Variants in ITGA6 observed in about 807,000 individuals in gnomAD.
The protein encoded by ITGA6 is integrin subunit alpha 6.
ITGA6 carries 63 observed loss-of-function variants against 133.6 expected under a neutral mutation model. The ratio of observed to expected loss-of-function variants is 0.47; its 90% CI spans 0.38 to 0.58. The LOEUF (loss-of-function observed/expected upper bound fraction) is 0.58, where lower values mean the gene tolerates loss of function less well. Ranked by LOEUF, ITGA6 falls within the 20% of genes least tolerant of loss-of-function variation. ITGA6 has a pLI of 0.00. For synonymous variants in ITGA6, 434 were observed against 482.0 expected, an observed-to-expected ratio of 0.90 and a Z score of 1.30; for missense variants, 1,068 against 1,309.4, an observed-to-expected ratio of 0.82 and a Z score of 2.85.
chr2:172,504,261 T>TAAA lies in ITGA6; in HGVS notation c.*202_*204dup. On this transcript the variant is annotated 3_prime_UTR_variant, in exon 26 of 26. Transcript: ENST00000684293. ...ATGAAAGCTACTCATAGCGGGGGCC[T>TAAA]AAAAAAAAAAAGCTTCACAGTACCC... The TAAA allele has an allele frequency of 2.5e-6, 3 of 1,214,272 alleles. No homozygotes were observed. The highest frequency in any genetic ancestry group is 3.3e-6 in the Non-Finnish European group (3 of 900,136). The allele number at this position is 1,214,272 out of a possible 1,614,324, so 75.2% of individuals were successfully genotyped here.
chr2:172,485,582 T>C (rs1686632572), intron 13 of ITGA6, among the ~76,000 whole-genome samples: 1 of 152,224 alleles, frequency 6.6e-6, no homozygotes, highest in South Asian at 2.1e-4. Flanking sequence ...GAAAAATACA[T>C]TGTGTTTTAC....
chr2:172,498,536 T>G (rs1687223242), intron 24 of ITGA6, among the ~76,000 whole-genome samples: 1 of 152,210 alleles, frequency 6.6e-6, no homozygotes, highest in African/African-American at 2.4e-5. Flanking sequence ...CAGCTAGATT[T>G]GGAATAGAAG....
chr2:172,458,603 C>T (rs2149027778), intron 1 of ITGA6, among the ~76,000 whole-genome samples: 1 of 152,326 alleles, frequency 6.6e-6, no homozygotes, highest in Non-Finnish European at 1.5e-5. Flanking sequence ...CTGGAGTCAG[C>T]AGCCCCACCC....
chr2:172,443,562 G>C (rs1684628965), intron 1 of ITGA6, among the ~76,000 whole-genome samples: 3 of 152,194 alleles, frequency 2.0e-5, no homozygotes, highest in African/African-American at 7.2e-5. Context: ...TACGCTATCA[G>C]TGGGTTTAGT....
At chr2:172,438,419 A>G (rs1284320613) in intron 1 of ITGA6, among the ~76,000 whole-genome samples, 1 of 151,758 alleles carries the variant, frequency 6.6e-6, no homozygotes, top group Non-Finnish European at 1.5e-5. Flanking sequence ...CTAATTTCTC[A>G]GTGAATAATA....
rs1259723839 is a variant in ITGA6, at chr2:172,504,182, A to C, written c.*114A>C. On this transcript the variant is annotated 3_prime_UTR_variant, in exon 26 of 26. Coordinates refer to ENST00000684293, the MANE Select transcript of ITGA6 (RefSeq NM_000210.4). ...AAAGAAGAGCGAGAGATCAAAGATG[A>C]AAAGTATATTGATAACCTTGAAAAA... 6.3e-7 allele frequency: 1 copy of C among 1,591,730 alleles called. No homozygotes were observed. The highest frequency in any genetic ancestry group is 1.1e-5 in the South Asian group (1 of 87,458).
intron 6 of ITGA6, among the ~76,000 whole-genome samples, chr2:172,474,634 A>C (rs1343129569): frequency 6.6e-6 from 1 of 152,198 alleles, no homozygotes; most frequent in African/African-American, 2.4e-5. Context: ...AAAGTAAAAA[A>C]CAGATATGTG....
chr2:172,427,499 G>A, upstream of ITGA6: 1 of 1,101,354 alleles, frequency 9.1e-7, no homozygotes, highest in Non-Finnish European at 1.1e-6. Context: ...GCCGGGCCGC[G>A]GGCGCGCAAG....
chr2:172,477,391 AT>A (rs35715378), intron 9 of ITGA6, among the ~76,000 whole-genome samples: 1 of 151,940 alleles, frequency 6.6e-6, no homozygotes, highest in African/African-American at 2.4e-5. Flanking sequence ...TAGCAGATTT[AT>A]TTTTTTTAAA....
At chr2:172,458,088 A>G (rs758582118) in intron 1 of ITGA6, among the ~76,000 whole-genome samples, 26 of 152,000 alleles carry the variant, frequency 1.7e-4, no homozygotes, top group Non-Finnish European at 2.9e-4. Context: ...ATCGTTCCCT[A>G]CCTCTGTCTG....
Position 172,491,936 on chromosome 2 carries a change from G to A in ITGA6, c.2988+413G>A, listed in dbSNP as rs999566964. Among the ~76,000 whole-genome samples the A allele has an allele frequency of 1.3e-5, 2 of 152,162 alleles. No homozygotes were observed. The highest frequency in any genetic ancestry group is 2.9e-5 in the Non-Finnish European group (2 of 68,016). The stretch of plus-strand genomic sequence containing the variant: ...CTGAACTGAACCTTGTAAGTCCCTG[G>A]TTATGCCCCTCAAACAAGTCTAAAA... On this transcript the variant is annotated intron_variant, in intron 23 of 25. Transcript: ENST00000684293. The surrounding 1 kb of genome is among the most constrained non-coding windows in gnomAD (Gnocchi z 4.4).
chr2:172,444,081 T>C (rs1684651989), intron 1 of ITGA6, among the ~76,000 whole-genome samples: 1 of 152,238 alleles, frequency 6.6e-6, no homozygotes, highest in African/African-American at 2.4e-5. Flanking sequence ...GCCCATCGTT[T>C]CATTTGATCC....
intron 6 of ITGA6, 147 bp downstream of exon 6, chr2:172,474,412 C>T: frequency 1.5e-5 from 11 of 736,628 alleles, no homozygotes; most frequent in South Asian, 4.5e-5. Context: ...TTTATCATTT[C>T]TATGATGGCA....
At chr2:172,446,995 C>T (rs1195651861) in intron 1 of ITGA6, among the ~76,000 whole-genome samples, 4 of 151,992 alleles carry the variant, frequency 2.6e-5, no homozygotes, top group Non-Finnish European at 5.9e-5. Context: ...CCACCCAGGT[C>T]CAAGCGATTC....
intron 5 of ITGA6, chr2:172,472,967 A>G (rs1574375192): frequency 1.1e-6 from 1 of 879,896 alleles, no homozygotes; most frequent in East Asian, 2.4e-5. Context: ...CATACAGAGC[A>G]TAAATCTTTT....
At chr2:172,467,424 G>A in intron 2 of ITGA6, 57 bp from the exon 3 acceptor site, 2 of 1,348,504 alleles carry the variant, frequency 1.5e-6, no homozygotes, top group Non-Finnish European at 1.1e-6. Flanking sequence ...TTTTTGTTCA[G>A]TGATGGTTTC....
intron 1 of ITGA6, among the ~76,000 whole-genome samples, chr2:172,446,516 A>G (rs566176248): frequency 7.3e-4 from 111 of 152,360 alleles, no homozygotes; most frequent in African/African-American, 2.5e-3. Context: ...TTTACTAAGC[A>G]TCTACTATGT....
intron 24 of ITGA6, among the ~76,000 whole-genome samples, chr2:172,499,224 G>A (rs16860613): frequency 0.015 from 2,285 of 152,134 alleles, 49 homozygotes; most frequent in African/African-American, 0.051. Context: ...TTCTAGACAT[G>A]GGATTGAAGC....
At chr2:172,460,500 A>G (rs1685388392) in intron 1 of ITGA6, among the ~76,000 whole-genome samples, 1 of 152,226 alleles carries the variant, frequency 6.6e-6, no homozygotes, top group Admixed American at 6.5e-5. Context: ...TTTTCATATT[A>G]TGGGGCCAAC....
Sources: allele counts gnomAD v4.1 joint callset (sites outside exome capture counted in the v4.1 genomes callset), GRCh38; gene constraint gnomAD v4.1.1; non-coding constraint Gnocchi (gnomAD v3.1); transcripts MANE v1.5; gene names NCBI Gene and HGNC (gene_info 2026-07-23, HGNC 2026-07-21).